Variants in LARGE1 observed in about 807,000 individuals in gnomAD.
The protein encoded by LARGE1 is xylosyl- and glucuronyltransferase LARGE1.
Under a neutral mutation model 87.6 loss-of-function variants are expected in LARGE1, and 43 were observed. That is an observed-to-expected ratio of 0.49 (90% confidence interval 0.38 to 0.63). The LOEUF (loss-of-function observed/expected upper bound fraction) is 0.63, where lower values mean the gene tolerates loss of function less well. Ranked by LOEUF, LARGE1 falls within the 30% of genes least tolerant of loss-of-function variation. LARGE1 has a pLI of 0.00. For missense variants in LARGE1, 802 were observed against 1,000.2 expected (o/e 0.80, Z 2.67); for synonymous variants, 434 against 394.6 (o/e 1.10, Z -1.18).
the LARGE1 span, among the ~76,000 whole-genome samples, chr22:33,114,045 A>ATTTTTTTTTTTTTTTTTTTT: frequency 3.7e-5 from 5 of 135,734 alleles, no homozygotes; most frequent in African/African-American, 5.5e-5. Context: ...TAATTTTTCT[A>ATTTTTTTTTTTTTTTTTTTT]TTTTTTTTTT....
At chr22:33,762,008 G>A (rs1227509072) in intron 1 of LARGE1, among the ~76,000 whole-genome samples, 2 of 151,972 alleles carry the variant, frequency 1.3e-5, no homozygotes, top group African/African-American at 2.4e-5. Flanking sequence ...CTTGAGATCA[G>A]GAGTTGAAGA....
chr22:33,545,281 TTTAGAGACAGG>T (rs2077328010), intron 6 of LARGE1, among the ~76,000 whole-genome samples: 1 of 151,178 alleles, frequency 6.6e-6, no homozygotes. Flanking sequence ...TTTTTTTTTT[TTTAGAGACAGG>T]GTCTCATTCT....
At chr22:33,177,950 C>T (rs1412575667) in intron 11 of LARGE1, among the ~76,000 whole-genome samples, 2 of 152,182 alleles carry the variant, frequency 1.3e-5, no homozygotes, top group Non-Finnish European at 2.9e-5. Flanking sequence ...TCCAGCTTCA[C>T]TCTCTCTGTC....
intron 6 of LARGE1, among the ~76,000 whole-genome samples, chr22:33,564,409 T>C (rs1167259799): frequency 1.3e-5 from 2 of 152,170 alleles, no homozygotes; most frequent in African/African-American, 4.8e-5. Flanking sequence ...ATACATCTCC[T>C]TAAAATGATA....
At chr22:33,473,993 T>C (rs1188176625) in intron 6 of LARGE1, among the ~76,000 whole-genome samples, 2 of 152,170 alleles carry the variant, frequency 1.3e-5, no homozygotes, top group African/African-American at 4.8e-5. Flanking sequence ...CTCCAAAACA[T>C]CTTTGGAGGG....
intron 7 of LARGE1, among the ~76,000 whole-genome samples, chr22:33,430,653 C>T (rs2067046966): frequency 6.6e-6 from 1 of 152,228 alleles, no homozygotes; most frequent in African/African-American, 2.4e-5. Context: ...AGGAATGTCC[C>T]CGTCTCTTAG....
At chr22:33,185,876 G>A (rs901534138) in intron 11 of LARGE1, among the ~76,000 whole-genome samples, 10 of 152,000 alleles carry the variant, frequency 6.6e-5, no homozygotes, top group Non-Finnish European at 1.5e-4. Flanking sequence ...TGATCCTACT[G>A]ACATGAAAGA....
At chr22:33,381,336 T>A (rs967343897) in intron 9 of LARGE1, among the ~76,000 whole-genome samples, 11 of 152,192 alleles carry the variant, frequency 7.2e-5, no homozygotes, top group African/African-American at 2.4e-4. Flanking sequence ...TCTTCCTCTT[T>A]CTATAGCCAG....
chr22:33,089,971 T>TA, the LARGE1 span, among the ~76,000 whole-genome samples: 79,550 of 150,004 alleles, frequency 0.53, 21,101 homozygotes, highest in East Asian at 0.7. Flanking sequence ...ATGAAATGAT[T>TA]AAAAAAAAAA....
chr22:33,067,958 C>G, the LARGE1 span, among the ~76,000 whole-genome samples: 1 of 151,066 alleles, frequency 6.6e-6, no homozygotes, highest in South Asian at 2.1e-4. Context: ...CCAGCCCGGG[C>G]GACAATGCGA....
At chr22:33,698,972 G>T (rs2082331406) in intron 2 of LARGE1, among the ~76,000 whole-genome samples, 1 of 152,134 alleles carries the variant, frequency 6.6e-6, no homozygotes, top group Non-Finnish European at 1.5e-5. Context: ...CTGGCACATA[G>T]CACGAACTCC....
chr22:33,804,346 T>A (rs1450758348), intron 1 of LARGE1, among the ~76,000 whole-genome samples: 1 of 152,126 alleles, frequency 6.6e-6, no homozygotes, highest in Non-Finnish European at 1.5e-5. Flanking sequence ...AAACCAGAAG[T>A]CAACAATAAA....
At chr22:33,679,448 T>G (rs1307548912) in intron 2 of LARGE1, among the ~76,000 whole-genome samples, 2 of 151,166 alleles carry the variant, frequency 1.3e-5, no homozygotes. Context: ...AAGGGGAAAT[T>G]TGGGGACAGA....
chr22:33,242,939 T>C (rs1926587837), intron 11 of LARGE1, among the ~76,000 whole-genome samples: 1 of 152,200 alleles, frequency 6.6e-6, no homozygotes, highest in African/African-American at 2.4e-5. Context: ...TGCCTTCCTC[T>C]CCACATGGCA....
intron 7 of LARGE1, among the ~76,000 whole-genome samples, chr22:33,408,043 C>T (rs560767640): frequency 1.7e-4 from 26 of 150,304 alleles, no homozygotes; most frequent in African/African-American, 5.9e-4. Context: ...TGCAGTGGCA[C>T]GATCTCGGCT....
intron 1 of LARGE1, among the ~76,000 whole-genome samples, chr22:33,884,462 A>T (rs2064787602): frequency 6.6e-6 from 1 of 152,224 alleles, no homozygotes; most frequent in South Asian, 2.1e-4. Flanking sequence ...ATATTGTGCC[A>T]GCCCACGCAA....
At chr22:33,535,655 C>T (rs2077021182) in intron 6 of LARGE1, among the ~76,000 whole-genome samples, 1 of 152,028 alleles carries the variant, frequency 6.6e-6, no homozygotes, top group African/African-American at 2.4e-5. Flanking sequence ...ATTTCTTATA[C>T]AAACTATTGA....
intron 11 of LARGE1, among the ~76,000 whole-genome samples, chr22:33,175,406 C>T (rs890302817): frequency 1.3e-5 from 2 of 152,094 alleles, no homozygotes; most frequent in South Asian, 2.1e-4. Flanking sequence ...TTAGAAAACC[C>T]CATCATCTCA....
At chr22:33,824,102 T>C (rs1028332778) in intron 1 of LARGE1, among the ~76,000 whole-genome samples, 2 of 152,186 alleles carry the variant, frequency 1.3e-5, no homozygotes, top group African/African-American at 2.4e-5. Flanking sequence ...ACCCAAAAGG[T>C]TGATGCCACA....
Sources: allele counts gnomAD v4.1 joint callset (sites outside exome capture counted in the v4.1 genomes callset), GRCh38; gene constraint gnomAD v4.1.1; transcripts MANE v1.5; gene names NCBI Gene and HGNC (gene_info 2026-07-23, HGNC 2026-07-21).